The following NBPF11 variants were observed in gnomAD, a reference collection of about 807,000 sequenced individuals.
NBPF11 encodes the protein NBPF member 11, also known as NBPF family member NBPF11.
NBPF11 carries 72 observed loss-of-function variants against 93.9 expected under a neutral mutation model. The observed-to-expected ratio is 0.77, with a 90% confidence interval of 0.63 to 0.93. The LOEUF is 0.93. NBPF11 is among the 40% of genes least tolerant of loss of function. The probability of loss-of-function intolerance (pLI) is 0.00; values close to 1 mark genes in which losing one functional copy is unlikely to be tolerated. For missense variants in NBPF11, 705 were observed against 802.2 expected, an observed-to-expected ratio of 0.88 and a Z score of 1.46; for synonymous variants, 224 against 304.9, an observed-to-expected ratio of 0.73 and a Z score of 2.76.
chr1:148,136,209 G>C (rs1377126940), intron 3 of NBPF11, among the ~76,000 whole-genome samples: 2 of 151,866 alleles, frequency 1.3e-5, no homozygotes, highest in Admixed American at 6.5e-5. Context: ...CTATGACTCA[G>C]TAATTCCTAA....
chr1:148,109,405 T>C (rs1473389627), intron 16 of NBPF11, 70 bp from the exon 17 acceptor site: 18 of 912,420 alleles, frequency 2.0e-5, no homozygotes, highest in Non-Finnish European at 3.2e-5. Context: ...CATTCCTCTG[T>C]CCAATCCTAA....
At chr1:148,141,219 A>G (rs1672111551) in intron 2 of NBPF11, among the ~76,000 whole-genome samples, 1 of 152,062 alleles carries the variant, frequency 6.6e-6, no homozygotes, top group African/African-American at 2.4e-5. Context: ...TGCTGTATTG[A>G]GGATTTAGGA....
chr1:148,124,938 T>C lies in NBPF11; in HGVS notation c.239A>G (p.Glu80Gly), dbSNP rs782393231. 64 of 1,610,000 alleles carry C rather than the reference T, an allele frequency of 4.0e-5. No individual in the cohort carries two copies. The highest frequency in any genetic ancestry group is 5.2e-5 in the Non-Finnish European group (61 of 1,179,848). The change falls in exon 6 of 24, where the codon GAG (glutamate) becomes GGG (glycine). Residue 80 changes from glutamate (E) to glycine (G), a missense_variant. Around this residue, in one of 12 missense-constraint regions of NBPF11, gnomAD observed 128 missense variants for 112.8 expected, o/e 1.14. Coordinates refer to ENST00000682118, the MANE Select transcript of NBPF11 (RefSeq NM_001385469.3). ...TTGCTTGAGCTGCTCTGCAAGCTTC[T>C]CCTCCTTGAACTGTCGCTCATTCCT... ...MLRNERQFKE[E>G]KLAEQLKQAE...
At chr1:148,144,015 C>T (rs1291395608) in intron 1 of NBPF11, among the ~76,000 whole-genome samples, 3 of 151,338 alleles carry the variant, frequency 2.0e-5, no homozygotes, top group Admixed American at 2.0e-4. Flanking sequence ...TATGATGGCA[C>T]CACTGCACTC....
intron 1 of NBPF11, among the ~76,000 whole-genome samples, chr1:148,147,336 G>A (rs1224984427): frequency 6.6e-6 from 1 of 152,050 alleles, no homozygotes; most frequent in Non-Finnish European, 1.5e-5. Context: ...AGGTCCGGAG[G>A]ACTGGCCCAT....
intron 1 of NBPF11, chr1:148,146,659 T>G: frequency 6.2e-7 from 1 of 1,611,684 alleles, no homozygotes; most frequent in Non-Finnish European, 8.5e-7. Flanking sequence ...CATCGAGGTC[T>G]TCCCCACCAA....
intron 2 of NBPF11, among the ~76,000 whole-genome samples, chr1:148,140,130 C>A (rs1426297231): frequency 1.3e-4 from 20 of 152,004 alleles, no homozygotes; most frequent in Non-Finnish European, 4.4e-5. Context: ...AGCAGGCCTA[C>A]ATACAGTCCA....
rs1159682012 is a variant in NBPF11, at chr1:148,118,973, G to A, written c.989-251C>T. On this transcript the variant is annotated intron_variant, in intron 10 of 23. Transcript: ENST00000682118. ...GTTGACAAGATGATTCAACCACAAC[G>A]AAGTGGAGTCAGAATTCACAGTCCC... Among the ~76,000 whole-genome samples the A allele has an allele frequency of 1.5e-5, 2 of 133,278 alleles. 1 individual carries two copies. The highest frequency in any genetic ancestry group is 6.4e-5 in the African/African-American group (2 of 31,146). 87.4% of individuals were successfully genotyped at this position (133,278 alleles called of 152,430 possible). A position where few individuals can be genotyped will look rare whatever the true frequency, so the allele number is the denominator to read the frequency against.
In NBPF11 at chr1:148,120,520, G is replaced by C. The variant is rs1220885853; in HGVS notation, c.969C>G (p.Ala323=). The C allele has an allele frequency of 1.1e-6, 1 of 919,022 alleles. No individual in the cohort carries two copies. Among genetic ancestry groups the C allele is most frequent in the African/African-American group, 1.6e-5 (1 of 61,874 alleles). The allele number at this position is 919,022 out of a possible 1,614,324, so 56.9% of individuals were successfully genotyped here. ...CFVTQVACFL[A]KQQNKYKYEE... Reference sequence around the variant, plus strand: ...TCTTACTGTATTTGTTCTGCTGCTTGGCCAGGAAGCAGGCCACTTGAGTTA... The same window carrying C: ...TCTTACTGTATTTGTTCTGCTGCTTCGCCAGGAAGCAGGCCACTTGAGTTA... The change falls in exon 10 of 24, where the codon GCC becomes GCG. Residue 323 remains alanine, a synonymous_variant. Coordinates refer to ENST00000682118, the MANE Select transcript of NBPF11 (RefSeq NM_001385469.3).
At chr1:148,104,427 G>A (rs1444702405) in intron 23 of NBPF11, 110 bp downstream of exon 23, 27 of 626,912 alleles carry the variant, frequency 4.3e-5, no homozygotes, top group Non-Finnish European at 5.6e-5. Flanking sequence ...GACAGTAGGA[G>A]TAATTCAGCC....
chr1:148,146,817 C>G lies in NBPF11; in HGVS notation c.-548-3131G>C, dbSNP rs1276202461. 6 of 1,613,546 alleles carry G rather than the reference C, an allele frequency of 3.7e-6. No homozygotes were observed. In the South Asian group the frequency reaches 6.6e-5, roughly 18 times the overall value. ...GCCTGGGCTCCCGCCTCCACTGCAA[C>G]ATCTTCACCTACGACTCCTCCGGCT... On this transcript the variant is annotated intron_variant, in intron 1 of 23. Transcript: ENST00000682118.
intron 12 of NBPF11, among the ~76,000 whole-genome samples, chr1:148,116,964 G>A (rs1317479986): frequency 6.6e-6 from 1 of 152,176 alleles, no homozygotes; most frequent in Non-Finnish European, 1.5e-5. Flanking sequence ...GCCTCCAAGT[G>A]GCTTCTGCTG....
chr1:148,132,212 T>G (rs1180870987), intron 4 of NBPF11, among the ~76,000 whole-genome samples: 1 of 85,978 alleles, frequency 1.2e-5, no homozygotes, highest in African/African-American at 4.3e-5. Flanking sequence ...TATATATATA[T>G]ATACACACAC....
chr1:148,137,968 G>C (rs1484636861), intron 2 of NBPF11, among the ~76,000 whole-genome samples, 159 bp from the exon 3 acceptor site: 1 of 149,610 alleles, frequency 6.7e-6, no homozygotes, highest in African/African-American at 2.5e-5. Flanking sequence ...TCAGCATACG[G>C]AGGACCCATG....
chr1:148,119,980 C>A (rs1667454977), intron 10 of NBPF11, among the ~76,000 whole-genome samples: 1 of 151,884 alleles, frequency 6.6e-6, no homozygotes, highest in Non-Finnish European at 1.5e-5. Context: ...GATGCTGTCA[C>A]TTATAGATAG....
intron 10 of NBPF11, among the ~76,000 whole-genome samples, chr1:148,119,257 A>G (rs1401158736): frequency 6.6e-6 from 1 of 151,266 alleles, no homozygotes; most frequent in Non-Finnish European, 1.5e-5. Flanking sequence ...ACATAACACC[A>G]TAAGGCCATG....
chr1:148,149,653 A>T (rs1647777818), intron 1 of NBPF11: 1 of 1,247,492 alleles, frequency 8.0e-7, no homozygotes, highest in African/African-American at 1.6e-5. Flanking sequence ...CTGCATGTGG[A>T]CCCCCCCGGG....
rs1454607567 is a variant in NBPF11, at chr1:148,102,551, A to C, written c.*1345T>G. The C allele has an allele frequency of 2.0e-5, 3 of 151,568 alleles. No homozygotes were observed. Among genetic ancestry groups the C allele is most frequent in the Non-Finnish European group, 4.4e-5 (3 of 68,026 alleles). The allele number at this position is 151,568 out of a possible 1,614,324, so 9.4% of individuals were successfully genotyped here. A position where few individuals can be genotyped will look rare whatever the true frequency, so the allele number is the denominator to read the frequency against. ...GCCCGCAGATGGGCTGAGGTTGGAA[A>C]CTCACAGCATTGTCTCTGCAGTGTT... is the stretch of plus-strand genomic sequence containing the variant. On this transcript the variant is annotated 3_prime_UTR_variant, in exon 24 of 24. Coordinates refer to ENST00000682118, the MANE Select transcript of NBPF11 (RefSeq NM_001385469.3).
At chr1:148,114,314 C>T in intron 15 of NBPF11, 123 bp downstream of exon 15, 1 of 718,374 alleles carries the variant, frequency 1.4e-6, no homozygotes, top group East Asian at 2.5e-5. Flanking sequence ...CATTGTAAAT[C>T]AGCACAATTT....
Sources: allele counts gnomAD v4.1 joint callset (sites outside exome capture counted in the v4.1 genomes callset), GRCh38; gene constraint gnomAD v4.1.1; regional missense constraint gnomAD v4.1.1; transcripts MANE v1.5; gene names NCBI Gene and HGNC (gene_info 2026-07-23, HGNC 2026-07-21).